SDCCAG8: variants seen among roughly 807,000 people sequenced by gnomAD.
The protein encoded by SDCCAG8 is SHH signaling and ciliogenesis regulator SDCCAG8.
SDCCAG8 carries 74 observed loss-of-function variants against 101.8 expected under a neutral mutation model. The observed-to-expected ratio is 0.73, with a 90% CI of 0.60 to 0.88. The LOEUF (loss-of-function observed/expected upper bound fraction) is 0.88, where lower values mean the gene tolerates loss of function less well. Among genes scored for constraint, SDCCAG8 ranks in the 40% least tolerant of loss-of-function variants. The probability of loss-of-function intolerance (pLI) is 0.00; values close to 1 mark genes in which losing one functional copy is unlikely to be tolerated. For synonymous variants in SDCCAG8, 281 were observed against 292.9 expected, an observed-to-expected ratio of 0.96 and a Z score of 0.41; for missense variants, 787 against 822.6, an observed-to-expected ratio of 0.96 and a Z score of 0.53.
intron 15 of SDCCAG8, among the ~76,000 whole-genome samples, chr1:243,424,660 A>G (rs992078709): frequency 6.6e-6 from 1 of 152,014 alleles, no homozygotes; most frequent in Non-Finnish European, 1.5e-5. Context: ...GCTCCTGTTG[A>G]TAGATTTCTT....
intron 13 of SDCCAG8, among the ~76,000 whole-genome samples, chr1:243,386,766 A>AGT (rs1239813629): frequency 1.4e-5 from 2 of 141,952 alleles, no homozygotes; most frequent in Non-Finnish European, 3.0e-5. Context: ...AAAGAAAGAA[A>AGT]GTGAGAGAGA....
intron 17 of SDCCAG8, among the ~76,000 whole-genome samples, chr1:243,499,216 A>G (rs12132661): frequency 0.11 from 17,095 of 152,228 alleles, 1,300 homozygotes; most frequent in Non-Finnish European, 0.17. Flanking sequence ...AGTACACCCA[A>G]TCCCCTCTTC....
rs534097517 is a variant in SDCCAG8, at chr1:243,308,165, A to G, written c.917A>G (p.Glu306Gly). 2 of 1,614,188 alleles carry G rather than the reference A, an allele frequency of 1.2e-6. No homozygotes were observed. Among genetic ancestry groups the G allele is most frequent in the Admixed American group, 3.3e-5 (2 of 60,030 alleles). Residue 306 changes from glutamate to glycine, a missense_variant, in exon 8 of 18, where the codon GAA (glutamate) becomes GGA (glycine). Coordinates refer to ENST00000366541, the MANE Select transcript of SDCCAG8 (RefSeq NM_006642.5). ...THTNVHMQTI[E>G]RLVKERDDLM... The stretch of plus-strand genomic sequence containing the variant: ...ACTAATGTTCATATGCAGACCATCG[A>G]AAGACTGGTTAAGTAAGTATGCTTC...
At chr1:243,442,983 C>A (rs781309068) in intron 16 of SDCCAG8, among the ~76,000 whole-genome samples, 5 of 152,084 alleles carry the variant, frequency 3.3e-5, no homozygotes, top group Non-Finnish European at 5.9e-5. Context: ...ATTTTATGTA[C>A]AATTTAAATT....
At chr1:243,295,903 C>G (rs1209338194) in intron 6 of SDCCAG8, among the ~76,000 whole-genome samples, 1 of 152,150 alleles carries the variant, frequency 6.6e-6, no homozygotes, top group African/African-American at 2.4e-5. Context: ...TTTGTGTGCT[C>G]TACCTCACAA....
chr1:243,421,939 ATCAGCAG>A (rs1346167985), intron 15 of SDCCAG8, among the ~76,000 whole-genome samples: 1 of 152,166 alleles, frequency 6.6e-6, no homozygotes, highest in African/African-American at 2.4e-5. Flanking sequence ...GCTTAGATGA[ATCAGCAG>A]TAAAACGTTG....
intron 16 of SDCCAG8, among the ~76,000 whole-genome samples, chr1:243,430,599 C>T (rs898477154): frequency 4.6e-5 from 7 of 151,848 alleles, no homozygotes; most frequent in Non-Finnish European, 8.8e-5. Context: ...CCACCACGCC[C>T]GGCTAATTTT....
intron 12 of SDCCAG8, among the ~76,000 whole-genome samples, chr1:243,353,175 A>G (rs1003172099): frequency 2.0e-5 from 3 of 152,038 alleles, no homozygotes; most frequent in African/African-American, 7.2e-5. Flanking sequence ...GGGGAAAGAT[A>G]ACATCCTTGC....
chr1:243,354,116 C>A (rs535558485), intron 12 of SDCCAG8, among the ~76,000 whole-genome samples: 1 of 152,174 alleles, frequency 6.6e-6, no homozygotes, highest in East Asian at 1.9e-4. Flanking sequence ...ATTTCCTGAG[C>A]AAACCTCTCA....
chr1:243,438,957 T>G (rs1387312243), intron 16 of SDCCAG8, among the ~76,000 whole-genome samples: 2 of 152,190 alleles, frequency 1.3e-5, no homozygotes, highest in South Asian at 4.1e-4. Context: ...ACCAAGTGAG[T>G]GACTTCAATG....
chr1:243,305,285 C>T (rs1441523623), intron 7 of SDCCAG8: 1 of 142,396 alleles, frequency 7.0e-6, no homozygotes, highest in African/African-American at 2.6e-5. Context: ...AACCTGGCAA[C>T]AGAGTGAGAC....
Position 243,337,039 on chromosome 1 carries a change from T to C in SDCCAG8, c.1222-4000T>C, listed in dbSNP as rs777042009. Among the ~76,000 whole-genome samples the C allele has an allele frequency of 4.6e-5, 7 of 152,168 alleles. No individual in the cohort carries two copies. The South Asian group carries it at 1.0e-3, about 23-fold the overall frequency. ...TGTCAATTGGTGGGTTTTGTTGCAA[T>C]TGCTTTTGAGAACTTAGTCATAAAT... On this transcript the variant is annotated intron_variant, in intron 10 of 17. Transcript: ENST00000366541.
intron 13 of SDCCAG8, among the ~76,000 whole-genome samples, chr1:243,401,292 G>A (rs997285552): frequency 6.6e-6 from 1 of 152,184 alleles, no homozygotes; most frequent in Non-Finnish European, 1.5e-5. Flanking sequence ...TCCTCAAGGT[G>A]CAGAAAATGT....
chr1:243,356,357 A>G (rs1227713708), intron 12 of SDCCAG8, among the ~76,000 whole-genome samples: 1 of 144,126 alleles, frequency 6.9e-6, no homozygotes, highest in Non-Finnish European at 1.5e-5. Flanking sequence ...TGGCTAGGAG[A>G]GCAAGAAAGA....
At chr1:243,335,954 T>C (rs144798408) in intron 10 of SDCCAG8, among the ~76,000 whole-genome samples, 1,810 of 152,336 alleles carry the variant, frequency 0.012, 28 homozygotes, top group African/African-American at 0.038. Context: ...TCCATGTTCC[T>C]GCCAAAGACC....
At chr1:243,410,451 T>C (rs1244752559) in intron 13 of SDCCAG8, among the ~76,000 whole-genome samples, 1 of 152,188 alleles carries the variant, frequency 6.6e-6, no homozygotes, top group African/African-American at 2.4e-5. Context: ...CACAAGTTTT[T>C]TCATACCAAT....
At position 243,426,534 on chromosome 1, in the gene SDCCAG8, G is replaced by A; in HGVS notation, c.1961G>A (p.Arg654Lys). 2 of 1,613,970 alleles carry A rather than the reference G, an allele frequency of 1.2e-6. No homozygotes were observed. The highest frequency in any genetic ancestry group is 1.7e-6 in the Non-Finnish European group (2 of 1,179,912). Residue 654 changes from arginine to lysine, a missense_variant, in exon 16 of 18, where the codon AGA becomes AAA. By Grantham distance (26) the Arg-to-Lys change is conservative. Transcript: ENST00000366541. ...GAGGAACAGTGTGTCCAGCATGGGAGAGTACATGAGACGATGAAGCAAAGG... is the reference window on the plus strand; with the variant it reads ...GAGGAACAGTGTGTCCAGCATGGGAAAGTACATGAGACGATGAAGCAAAGG... ...ELEEQCVQHG[R>K]VHETMKQRLR...
intron 10 of SDCCAG8, among the ~76,000 whole-genome samples, chr1:243,331,046 A>ATG (rs1436645495): frequency 6.6e-6 from 1 of 152,180 alleles, no homozygotes; most frequent in Non-Finnish European, 1.5e-5. Context: ...TCAAGGAGAG[A>ATG]TGACTTCCCC....
At chr1:243,302,788 T>C (rs892956891) in intron 6 of SDCCAG8, among the ~76,000 whole-genome samples, 2 of 152,220 alleles carry the variant, frequency 1.3e-5, no homozygotes, top group African/African-American at 4.8e-5. Context: ...CATAAGGACC[T>C]TTAAGGCTTA....
Sources: gnomAD v4.1 joint callset for allele counts (sites outside exome capture counted in the v4.1 genomes callset) on GRCh38, gnomAD v4.1.1 for gene constraint, MANE v1.5 for transcripts, NCBI Gene and HGNC (gene_info 2026-07-23, HGNC 2026-07-21) for gene names.